ZNF704: variants seen among roughly 807,000 people sequenced by gnomAD.
The protein encoded by ZNF704 is glucocorticoid induced gene 1.
In ZNF704, 10 loss-of-function variants were observed where a neutral mutation model predicts 44.7. The observed-to-expected ratio is 0.22, with a 90% CI of 0.14 to 0.38. The LOEUF (loss-of-function observed/expected upper bound fraction) is 0.38, where lower values mean the gene tolerates loss of function less well. Ranked by LOEUF, ZNF704 falls within the 10% of genes least tolerant of loss-of-function variation. The pLI, the probability that ZNF704 is intolerant of heterozygous loss-of-function variation, is 1.00. For missense variants in ZNF704, 390 were observed against 545.5 expected (o/e 0.71, Z 2.84); for synonymous variants, 211 against 207.6 (o/e 1.02, Z -0.14).
chr8:80,748,478 AAAT>A (rs1806884475), intron 2 of ZNF704, among the ~76,000 whole-genome samples: 1 of 152,228 alleles, frequency 6.6e-6, no homozygotes, highest in South Asian at 2.1e-4. Flanking sequence ...CAGTGCCTTC[AAAT>A]ATGACTTTAA....
At position 80,818,172 on chromosome 8, in the gene ZNF704, C is replaced by T. The variant is rs1045545004; in HGVS notation, c.221+3202G>A. Among the ~76,000 whole-genome samples the T allele has an allele frequency of 3.3e-5, 5 of 152,046 alleles. No individual in the cohort carries two copies. In the East Asian group the frequency reaches 5.8e-4, roughly 18 times the overall value. On this transcript the variant is annotated intron_variant, in intron 2 of 8. Transcript: ENST00000327835. ...TAAACTTTGAGTTTCATTTTACAAA[C>T]CAGAGAAAGTAAAGTTCAACAAAAA...
At chr8:80,732,849 G>A (rs1806604271) in intron 2 of ZNF704, among the ~76,000 whole-genome samples, 1 of 151,208 alleles carries the variant, frequency 6.6e-6, no homozygotes, top group African/African-American at 2.4e-5. Flanking sequence ...CCAGCTACTC[G>A]AGAGGCTGAG....
intron 2 of ZNF704, among the ~76,000 whole-genome samples, chr8:80,792,983 T>G (rs1320723967): frequency 6.6e-6 from 1 of 152,188 alleles, no homozygotes; most frequent in Non-Finnish European, 1.5e-5. Context: ...TGGGAGTAAT[T>G]TGTTCGCTAC....
At chr8:80,714,957 T>C (rs987848886) in intron 2 of ZNF704, among the ~76,000 whole-genome samples, 2 of 152,158 alleles carry the variant, frequency 1.3e-5, no homozygotes, top group African/African-American at 4.8e-5. Context: ...TTCAACTGAT[T>C]CCATGGAAAC....
At chr8:80,785,783 G>T (rs935939270) in intron 2 of ZNF704, among the ~76,000 whole-genome samples, 13 of 151,978 alleles carry the variant, frequency 8.6e-5, no homozygotes, top group African/African-American at 2.7e-4. Flanking sequence ...CTCATTCCTA[G>T]AATCAATCAT....
At position 80,628,573 on chromosome 8, in the gene ZNF704, G is replaced by C. The variant is rs1392555316; in HGVS notation, c.*12793C>G. ...ACTGTAGAAGTCAAAATGGTCTTTT[G>C]AAAGTCCAGTGTTCTGGCTCTGTTT... On this transcript the variant is annotated 3_prime_UTR_variant, in exon 9 of 9. Coordinates refer to ENST00000327835, the MANE Select transcript of ZNF704 (RefSeq NM_001033723.3). The C allele has an allele frequency of 6.6e-6, 1 of 152,190 alleles. No individual in the cohort carries two copies. Among genetic ancestry groups the C allele is most frequent in the East Asian group, 1.9e-4 (1 of 5,196 alleles). 9.4% of individuals were successfully genotyped at this position (152,190 alleles called of 1,614,324 possible).
chr8:80,856,662 C>T (rs2130021661), intron 1 of ZNF704, among the ~76,000 whole-genome samples: 1 of 152,180 alleles, frequency 6.6e-6, no homozygotes, highest in East Asian at 1.9e-4. Flanking sequence ...GTGCCTTTGT[C>T]AAACCATTTC....
chr8:80,785,369 T>TC (rs946017989), intron 2 of ZNF704, among the ~76,000 whole-genome samples: 2 of 152,188 alleles, frequency 1.3e-5, no homozygotes, highest in Non-Finnish European at 2.9e-5. Context: ...ACTCTTTTTT[T>TC]CCTCTTTTGC....
intron 2 of ZNF704, among the ~76,000 whole-genome samples, chr8:80,761,749 C>A (rs1807135216): frequency 6.6e-6 from 1 of 152,176 alleles, no homozygotes; most frequent in South Asian, 2.1e-4. Flanking sequence ...ACAATGGTCA[C>A]ATGGGTGTAA....
At chr8:80,746,283 A>G (rs1371644724) in intron 2 of ZNF704, among the ~76,000 whole-genome samples, 3 of 152,210 alleles carry the variant, frequency 2.0e-5, no homozygotes, top group African/African-American at 7.2e-5. Flanking sequence ...AAGGCGAAAG[A>G]TTTATACCAT....
intron 2 of ZNF704, among the ~76,000 whole-genome samples, chr8:80,780,512 T>C (rs1807505101): frequency 6.6e-6 from 1 of 152,040 alleles, no homozygotes; most frequent in African/African-American, 2.4e-5. Flanking sequence ...TGGCCTTATT[T>C]GGAAAAGAGG....
rs556571841 is a variant in ZNF704, at chr8:80,717,708, G to GT, written c.222-24602dup. Among the ~76,000 whole-genome samples, 11 of 152,232 alleles carry GT rather than the reference G, an allele frequency of 7.2e-5. No homozygotes were observed. The East Asian group carries it at 1.9e-3, about 27-fold the overall frequency. On this transcript the variant is annotated intron_variant, in intron 2 of 8. Transcript: ENST00000327835. Reference sequence around the variant, plus strand: ...CAGTTGGCTAGCTGGTCTACCACTAGTTTTTTTCTCCTTTTTTACTTTAAT... The same window carrying GT: ...CAGTTGGCTAGCTGGTCTACCACTAGTTTTTTTTCTCCTTTTTTACTTTAAT...
intron 2 of ZNF704, among the ~76,000 whole-genome samples, chr8:80,792,138 A>G (rs557977153): frequency 6.6e-6 from 1 of 152,346 alleles, no homozygotes; most frequent in Non-Finnish European, 1.5e-5. Context: ...GCTCGGCACC[A>G]TGAAAGCATG....
chr8:80,758,961 A>G (rs1807083436), intron 2 of ZNF704, among the ~76,000 whole-genome samples: 1 of 152,224 alleles, frequency 6.6e-6, no homozygotes, highest in South Asian at 2.1e-4. Flanking sequence ...AAGGTTATAT[A>G]GCAAGTAAGT....
At chr8:80,709,813 G>A (rs994761704) in intron 2 of ZNF704, among the ~76,000 whole-genome samples, 16 of 152,188 alleles carry the variant, frequency 1.1e-4, no homozygotes, top group Non-Finnish European at 1.0e-4. Context: ...GATGGCCTCG[G>A]TGGCTGCCGT....
intron 2 of ZNF704, among the ~76,000 whole-genome samples, chr8:80,813,407 T>C (rs1808122022): frequency 6.6e-6 from 1 of 152,242 alleles, no homozygotes; most frequent in African/African-American, 2.4e-5. Context: ...AGCACTAATG[T>C]GTGCTTATAA....
upstream of ZNF704, among the ~76,000 whole-genome samples, chr8:80,876,355 G>A (rs1809356019): frequency 6.6e-6 from 1 of 152,242 alleles, no homozygotes; most frequent in African/African-American, 2.4e-5. Context: ...CAGCTAGAGT[G>A]TGCAAAGAAT....
rs1050262601 is a variant in ZNF704, at chr8:80,838,609, G to C, written c.-21-16994C>G. ...GGGAGGAGGGGGAAGAGGAGGAAGA[G>C]AGCAGACCCTGGAGGAGGAGGAAGA... On this transcript the variant is annotated intron_variant, in intron 1 of 8. Coordinates refer to ENST00000327835, the MANE Select transcript of ZNF704 (RefSeq NM_001033723.3). Among the ~76,000 whole-genome samples, 22 of 150,842 alleles carry C rather than the reference G, an allele frequency of 1.5e-4. No individual in the cohort carries two copies. The East Asian group carries it at 3.7e-3, about 26-fold the overall frequency.
intron 1 of ZNF704, among the ~76,000 whole-genome samples, chr8:80,845,656 A>G (rs1008020056): frequency 6.6e-6 from 1 of 152,208 alleles, no homozygotes; most frequent in African/African-American, 2.4e-5. Context: ...AGACTTGCTA[A>G]TAAAGTATGA....
Sources: gnomAD v4.1 joint callset for allele counts (sites outside exome capture counted in the v4.1 genomes callset) on GRCh38, gnomAD v4.1.1 for gene constraint, MANE v1.5 for transcripts, NCBI Gene and HGNC (gene_info 2026-07-23, HGNC 2026-07-21) for gene names.